The following DIPK2A variants were observed in gnomAD, a reference collection of about 807,000 sequenced individuals.
DIPK2A encodes the protein Golgi Protein of 49 kDa.
In DIPK2A, 27 loss-of-function variants were observed where a neutral mutation model predicts 39.0. The ratio of observed to expected loss-of-function variants is 0.69; its 90% confidence interval spans 0.51 to 0.96. The LOEUF (loss-of-function observed/expected upper bound fraction) is 0.96. Among genes scored for constraint, DIPK2A ranks in the 40% least tolerant of loss-of-function variants. The pLI, the probability that DIPK2A is intolerant of heterozygous loss-of-function variation, is 0.00. For missense variants in DIPK2A, 528 were observed against 571.3 expected (o/e 0.92, Z 0.77); for synonymous variants, 298 against 240.8 (o/e 1.24, Z -2.20).
At chr3:143,986,118 A>G (rs541627221) in intron 2 of DIPK2A, 1 of 378,224 alleles carries the variant, frequency 2.6e-6, no homozygotes, top group South Asian at 4.0e-5. Context: ...CCTACCTTAG[A>G]CATACTCAGA....
At chr3:143,978,669 G>GATATAT (rs1220294150) in intron 1 of DIPK2A, 4 of 32,840 alleles carry the variant, frequency 1.2e-4, no homozygotes, top group East Asian at 9.9e-4. Flanking sequence ...TCTATATATA[G>GATATAT]ATATATATAT....
At position 143,972,959 on chromosome 3, in the gene DIPK2A, G is replaced by A. The variant is rs1218825947; in HGVS notation, c.627G>A (p.Leu209=). The A allele has an allele frequency of 6.3e-7, 1 of 1,588,650 alleles. No homozygotes were observed. The highest frequency in any genetic ancestry group is 1.3e-5 in the African/African-American group (1 of 74,654). Reference sequence around the variant, plus strand: ...AGCGCATGCAGCTGCTGCTGACCCTGGCCTTCAACCCCGAGCCGCTGGTGC... The same window carrying A: ...AGCGCATGCAGCTGCTGCTGACCCTAGCCTTCAACCCCGAGCCGCTGGTGC... The part of the protein sequence containing the change: ...DSERMQLLLT[L]AFNPEPLVLQ... The change falls in exon 1 of 3, where the codon CTG becomes CTA. Residue 209 remains leucine (L), a synonymous_variant. Transcript: ENST00000315691.
At chr3:143,985,414 A>C in intron 1 of DIPK2A, 129 bp from the exon 2 acceptor site, 1 of 798,692 alleles carries the variant, frequency 1.3e-6, no homozygotes, top group South Asian at 1.8e-5. Flanking sequence ...TTAATCTCTA[A>C]TAAACTGTTG....
chr3:143,982,910 C>CA (rs143606078), intron 1 of DIPK2A, among the ~76,000 whole-genome samples: 5,907 of 151,390 alleles, frequency 0.039, 153 homozygotes, highest in Non-Finnish European at 0.057. Flanking sequence ...AAAAAAAACA[C>CA]AAAAAAAACA....
In DIPK2A at chr3:143,972,970, C is replaced by A; in HGVS notation, c.638C>A (p.Pro213His). ...CTGCTGCTGACCCTGGCCTTCAACC[C>A]CGAGCCGCTGGTGCTACAGGTAGGC... ...MQLLLTLAFN[P>H]EPLVLQSFPS... The change falls in exon 1 of 3, where the codon CCC (proline) becomes CAC (histidine). Residue 213 changes from proline (P) to histidine (H), a missense_variant. This residue lies in a region of DIPK2A where 219 missense variants were observed against 281.5 expected (regional missense o/e 0.78). Transcript: ENST00000315691. 1 of 1,587,478 alleles carries A rather than the reference C, an allele frequency of 6.3e-7. No homozygotes were observed. The highest frequency in any genetic ancestry group is 1.3e-5 in the African/African-American group (1 of 74,680).
chr3:143,978,323 GT>G (rs764730003), intron 1 of DIPK2A: 6 of 152,274 alleles, frequency 3.9e-5, no homozygotes, highest in Non-Finnish European at 8.8e-5. Context: ...GTAAATGGTT[GT>G]AACATGACTG....
intron 2 of DIPK2A, 34 bp from the exon 3 acceptor site, chr3:143,989,476 T>C (rs753964475): frequency 2.0e-6 from 3 of 1,470,120 alleles, no homozygotes; most frequent in African/African-American, 1.4e-5. Flanking sequence ...ATTTAAAAAA[T>C]TTTTTTCTAC....
chr3:143,983,633 T>G (rs2087857917), intron 1 of DIPK2A, among the ~76,000 whole-genome samples: 1 of 151,968 alleles, frequency 6.6e-6, no homozygotes, highest in Non-Finnish European at 1.5e-5. Flanking sequence ...CATCCTAACA[T>G]CACAATTAAA....
chr3:143,978,969 A>AT (rs2107842382), intron 1 of DIPK2A, among the ~76,000 whole-genome samples: 1 of 152,200 alleles, frequency 6.6e-6, no homozygotes, highest in Non-Finnish European at 1.5e-5. Flanking sequence ...TGTTTTAAAG[A>AT]TTAAAGAAGA....
At chr3:143,978,666 A>ATC (rs2087781247) in intron 1 of DIPK2A, 2 of 43,692 alleles carry the variant, frequency 4.6e-5, no homozygotes, top group Admixed American at 2.5e-4. Flanking sequence ...ATATCTATAT[A>ATC]TAGATATATA....
Position 143,972,992 on chromosome 3 carries a change from A to G in DIPK2A, c.657+3A>G, listed in dbSNP as rs1298612086. 5 of 1,578,000 alleles carry G rather than the reference A, an allele frequency of 3.2e-6. No individual in the cohort carries two copies. The highest frequency in any genetic ancestry group is 2.7e-5 in the African/African-American group (2 of 74,400). ...ACCCCGAGCCGCTGGTGCTACAGGT[A>G]GGCGCGGAGCCAGGGCAGGGGGCGT... On this transcript the variant is annotated splice_donor_region_variant and intron_variant, in intron 1 of 2. Coordinates refer to ENST00000315691, the MANE Select transcript of DIPK2A (RefSeq NM_173552.5).
At chr3:143,979,132 T>A (rs2087792039) in intron 1 of DIPK2A, among the ~76,000 whole-genome samples, 1 of 152,148 alleles carries the variant, frequency 6.6e-6, no homozygotes, top group South Asian at 2.1e-4. Flanking sequence ...CTTAGAAATG[T>A]AAAAATCCTA....
At position 143,972,559 on chromosome 3, in the gene DIPK2A, CGT is replaced by C; in HGVS notation, c.229_230del (p.Trp77GlyfsTer147). On this transcript the variant is annotated frameshift_variant, in exon 1 of 3. Coordinates refer to ENST00000315691, the MANE Select transcript of DIPK2A (RefSeq NM_173552.5). LOFTEE classifies it high-confidence loss of function. ...CTCAACGGGCAGGTGGTATTCGAGG[CGT>C]GGGGCCGCTTGCGCCTGCTGGACTT... is the stretch of plus-strand genomic sequence containing the variant. 6.2e-7 allele frequency: 1 copy of C among 1,612,334 alleles called. No individual in the cohort carries two copies. Among genetic ancestry groups the C allele is most frequent in the Non-Finnish European group, 8.5e-7 (1 of 1,179,732 alleles).
chr3:143,986,937 G>T (rs1217853866), intron 2 of DIPK2A, among the ~76,000 whole-genome samples: 1 of 152,020 alleles, frequency 6.6e-6, no homozygotes, highest in African/African-American at 2.4e-5. Context: ...AAAATTTACG[G>T]CACCTGGGGA....
At chr3:143,973,024 A>T (rs781067548) in intron 1 of DIPK2A, 35 bp downstream of exon 1, 241 of 1,546,088 alleles carry the variant, frequency 1.6e-4, no homozygotes, top group Non-Finnish European at 2.0e-4. Flanking sequence ...GCGTCCTGGG[A>T]GGGGCCGCGC....
Position 143,972,972 on chromosome 3 carries a change from G to T in DIPK2A, c.640G>T (p.Glu214Ter). 2 of 1,587,392 alleles carry T rather than the reference G, an allele frequency of 1.3e-6. No homozygotes were observed. Among genetic ancestry groups the T allele is most frequent in the South Asian group, 2.3e-5 (2 of 88,098 alleles). Residue 214 changes from glutamate to a stop codon, truncating the protein, a stop_gained, in exon 1 of 3, where the codon GAG becomes TAG. Coordinates refer to ENST00000315691, the MANE Select transcript of DIPK2A (RefSeq NM_173552.5). LOFTEE classifies it high-confidence loss of function. ...QLLLTLAFNP[E>*]PLVLQSFPSD... The stretch of plus-strand genomic sequence containing the variant: ...GCTGCTGACCCTGGCCTTCAACCCC[G>T]AGCCGCTGGTGCTACAGGTAGGCGC...
At chr3:143,983,482 A>T (rs2087855111) in intron 1 of DIPK2A, among the ~76,000 whole-genome samples, 1 of 152,238 alleles carries the variant, frequency 6.6e-6, no homozygotes, top group Admixed American at 6.5e-5. Context: ...AAATTAAGGC[A>T]GAAGTAAATA....
intron 1 of DIPK2A, among the ~76,000 whole-genome samples, chr3:143,974,186 C>G (rs1234320385): frequency 1.4e-5 from 2 of 145,030 alleles, no homozygotes; most frequent in Admixed American, 6.9e-5. Context: ...ATATTATTTT[C>G]TTTTCTCAAG....
At chr3:143,986,722 C>CAAA (rs11293429) in intron 2 of DIPK2A, among the ~76,000 whole-genome samples, 1 of 67,000 alleles carries the variant, frequency 1.5e-5, no homozygotes, top group East Asian at 5.1e-4. Flanking sequence ...GACTCCGTCT[C>CAAA]AAAAAAAAAA....
Sources: gnomAD v4.1 joint callset for allele counts (sites outside exome capture counted in the v4.1 genomes callset) on GRCh38, gnomAD v4.1.1 for gene constraint, gnomAD v4.1.1 regional missense constraint, MANE v1.5 for transcripts, NCBI Gene and HGNC (gene_info 2026-07-23, HGNC 2026-07-21) for gene names.